SDK1: variants seen among roughly 807,000 people sequenced by gnomAD.
SDK1 encodes sidekick cell adhesion molecule 1, also known as protein sidekick-1.
Under a neutral mutation model 245.5 loss-of-function variants are expected in SDK1, and 157 were observed. That is an observed-to-expected ratio of 0.64 (90% CI 0.56 to 0.73). SDK1 has a LOEUF of 0.73. SDK1 is among the 30% of genes least tolerant of loss of function. The probability of loss-of-function intolerance (pLI) is 0.00; values close to 1 mark genes in which losing one functional copy is unlikely to be tolerated. For missense variants in SDK1, 3,583 were observed against 3,002.3 expected (o/e 1.19, Z -4.52); for synonymous variants, 1,647 against 1,278.5 (o/e 1.29, Z -6.15).
chr7:3,495,657 A>G (rs1782002117), intron 1 of SDK1, among the ~76,000 whole-genome samples: 1 of 152,228 alleles, frequency 6.6e-6, no homozygotes, highest in South Asian at 2.1e-4. Context: ...CATGCTTCCC[A>G]TAAAGACTGT....
chr7:3,719,900 C>T lies in SDK1; in HGVS notation c.713+77795C>T, dbSNP rs375547078. Reference sequence around the variant, plus strand: ...ACTGAGGCAAGAGAATTGCTTGAACCCGGGAGGCGGAAGTTGCAGTGAGCC... The same window carrying T: ...ACTGAGGCAAGAGAATTGCTTGAACTCGGGAGGCGGAAGTTGCAGTGAGCC... On this transcript the variant is annotated intron_variant, in intron 4 of 44. Transcript: ENST00000404826. Among the ~76,000 whole-genome samples, 7 of 151,684 alleles carry T rather than the reference C, an allele frequency of 4.6e-5. No homozygotes were observed. In the East Asian group the frequency reaches 5.8e-4, roughly 13 times the overall value.
intron 8 of SDK1, among the ~76,000 whole-genome samples, chr7:3,960,861 C>G (rs918247295): frequency 2.7e-4 from 41 of 152,282 alleles, no homozygotes; most frequent in African/African-American, 8.4e-4. Context: ...GCCAACAACT[C>G]TGTGAATGTG....
At chr7:3,443,016 A>G (rs1410554088) in intron 1 of SDK1, among the ~76,000 whole-genome samples, 1 of 152,062 alleles carries the variant, frequency 6.6e-6, no homozygotes, top group African/African-American at 2.4e-5. Flanking sequence ...CTTATAAAGC[A>G]ACACAATACC....
rs377565101 is a variant in SDK1, at chr7:3,950,895, A to G, written c.848-28A>G. 54 of 1,579,342 alleles carry G rather than the reference A, an allele frequency of 3.4e-5. No homozygotes were observed. In the African/African-American group the frequency reaches 6.2e-4, roughly 18 times the overall value. On this transcript the variant is annotated intron_variant, in intron 5 of 44. Coordinates refer to ENST00000404826, the MANE Select transcript of SDK1 (RefSeq NM_152744.4). ...GGGGTGCTCCTGTACTTAGAGTTTC[A>G]TGGACATTTCTCTTTTCTCTGCCAC...
At chr7:3,872,853 A>T (rs1003314055) in intron 5 of SDK1, among the ~76,000 whole-genome samples, 1 of 152,124 alleles carries the variant, frequency 6.6e-6, no homozygotes, top group Non-Finnish European at 1.5e-5. Context: ...TAAGGACCTT[A>T]TAACAGTGTA....
At chr7:3,886,144 A>G (rs771435247) in intron 5 of SDK1, among the ~76,000 whole-genome samples, 16 of 152,210 alleles carry the variant, frequency 1.1e-4, no homozygotes, top group Non-Finnish European at 1.8e-4. Flanking sequence ...CGGACTGTAC[A>G]GTTATCCTAC....
chr7:3,470,452 C>G lies in SDK1; in HGVS notation c.299-148628C>G, dbSNP rs1052213265. 2.0e-4 allele frequency among the ~76,000 whole-genome samples: 31 copies of G among 152,102 alleles called. 1 individual carries two copies. Among genetic ancestry groups the G allele is most frequent in the Non-Finnish European group, 7.4e-5 (5 of 68,010 alleles). ...ATCAAACAATTTAATTTTTGATACA[C>G]TATTTTGACCTTTTAAAGAGTTACA... On this transcript the variant is annotated intron_variant, in intron 1 of 44. Coordinates refer to ENST00000404826, the MANE Select transcript of SDK1 (RefSeq NM_152744.4).
intron 14 of SDK1, among the ~76,000 whole-genome samples, chr7:3,997,266 T>TGG (rs1456633429): frequency 6.6e-6 from 1 of 151,994 alleles, no homozygotes; most frequent in African/African-American, 2.4e-5. Context: ...CACAGACAAA[T>TGG]GGAGGGTGAG....
chr7:4,092,689 C>G (rs759615128), intron 22 of SDK1, among the ~76,000 whole-genome samples: 5 of 152,140 alleles, frequency 3.3e-5, no homozygotes, highest in Non-Finnish European at 7.4e-5. Context: ...AGTCATTAAT[C>G]ACATAGAAGC....
intron 1 of SDK1, among the ~76,000 whole-genome samples, chr7:3,441,712 C>G (rs1429265031): frequency 6.6e-6 from 1 of 152,152 alleles, no homozygotes; most frequent in Non-Finnish European, 1.5e-5. Context: ...GAGATTTTGA[C>G]TGGGATTGCA....
Position 3,762,772 on chromosome 7 carries a change from T to C in SDK1, c.714-58678T>C, listed in dbSNP as rs192772568. ...GAAGTGTGAAGAGACCACTGACTTT[T>C]ACTAATAGTTTTTAAAAAATCACTG... is the stretch of plus-strand genomic sequence containing the variant. On this transcript the variant is annotated intron_variant, in intron 4 of 44. Transcript: ENST00000404826. Among the ~76,000 whole-genome samples, 532 of 152,360 alleles carry C rather than the reference T, an allele frequency of 3.5e-3. 4 individuals carry two copies. Among genetic ancestry groups the C allele is most frequent in the South Asian group, 0.016 (79 of 4,826 alleles).
At chr7:3,829,435 C>T (rs773081254) in intron 5 of SDK1, among the ~76,000 whole-genome samples, 14 of 152,120 alleles carry the variant, frequency 9.2e-5, no homozygotes, top group Non-Finnish European at 2.1e-4. Flanking sequence ...TCCACGACAG[C>T]CCTGTGAGTT....
At chr7:3,575,003 C>A (rs971569518) in intron 1 of SDK1, among the ~76,000 whole-genome samples, 12 of 152,050 alleles carry the variant, frequency 7.9e-5, no homozygotes, top group African/African-American at 2.9e-4. Flanking sequence ...CTTCCAGTTG[C>A]TGGAATCATC....
intron 4 of SDK1, among the ~76,000 whole-genome samples, chr7:3,783,545 A>T (rs1026945155): frequency 3.3e-5 from 5 of 152,188 alleles, no homozygotes; most frequent in African/African-American, 1.2e-4. Context: ...TCAACACACA[A>T]AAATCAGTGG....
chr7:3,776,404 C>T (rs1780563373), intron 4 of SDK1, among the ~76,000 whole-genome samples: 1 of 152,182 alleles, frequency 6.6e-6, no homozygotes, highest in Non-Finnish European at 1.5e-5. Flanking sequence ...TCACTTAAGG[C>T]TTCTGTTACT....
intron 5 of SDK1, among the ~76,000 whole-genome samples, chr7:3,891,237 A>AG (rs895969427): frequency 3.3e-5 from 5 of 151,804 alleles, no homozygotes; most frequent in South Asian, 2.1e-4. Flanking sequence ...GTAGGCTGGG[A>AG]GTAGGGGGTG....
At chr7:4,167,176 G>A (rs1174519871) in intron 32 of SDK1, among the ~76,000 whole-genome samples, 2 of 152,188 alleles carry the variant, frequency 1.3e-5, no homozygotes, top group Admixed American at 6.5e-5. Flanking sequence ...GGCAGATCAC[G>A]AGGTCGAGAT....
chr7:3,447,748 A>C (rs1583871437), intron 1 of SDK1, among the ~76,000 whole-genome samples: 1 of 127,870 alleles, frequency 7.8e-6, no homozygotes, highest in Non-Finnish European at 1.6e-5. Flanking sequence ...CTCGTTGCCC[A>C]GGCTGGAGTG....
chr7:4,191,070 C>T (rs1435285782), intron 35 of SDK1, among the ~76,000 whole-genome samples: 1 of 152,230 alleles, frequency 6.6e-6, no homozygotes, highest in African/African-American at 2.4e-5. Flanking sequence ...TGTTTCCACC[C>T]TTCAGGGGAT....
Sources: allele counts gnomAD v4.1 joint callset (sites outside exome capture counted in the v4.1 genomes callset), GRCh38; gene constraint gnomAD v4.1.1; transcripts MANE v1.5; gene names NCBI Gene and HGNC (gene_info 2026-07-23, HGNC 2026-07-21).